The following MAGI2 variants were observed in gnomAD, a reference collection of about 807,000 sequenced individuals.
MAGI2 encodes membrane associated guanylate kinase, WW and PDZ domain containing 2, also known as membrane-associated guanylate kinase, WW and PDZ domain-containing protein 2.
Under a neutral mutation model 133.3 loss-of-function variants are expected in MAGI2, and 35 were observed. The observed-to-expected ratio is 0.26, with a 90% CI of 0.20 to 0.35. The LOEUF (loss-of-function observed/expected upper bound fraction) is 0.35, where lower values mean the gene tolerates loss of function less well. MAGI2 is among the 10% of genes least tolerant of loss of function. MAGI2 has a pLI of 1.00. For synonymous variants in MAGI2, 729 were observed against 710.6 expected (o/e 1.03, Z -0.41); for missense variants, 1,636 against 1,863.4 (o/e 0.88, Z 2.25).
chr7:78,853,957 TTCTCTC>T (rs10666435), intron 2 of MAGI2, among the ~76,000 whole-genome samples: 91 of 148,592 alleles, frequency 6.1e-4, no homozygotes, highest in African/African-American at 2.0e-3. Context: ...GTTGATATGT[TTCTCTC>T]TCTCTCTCTC....
At chr7:78,238,361 C>A (rs1211039794) in intron 10 of MAGI2, among the ~76,000 whole-genome samples, 1 of 152,034 alleles carries the variant, frequency 6.6e-6, no homozygotes, top group African/African-American at 2.4e-5. Flanking sequence ...CTATCATAGT[C>A]ATTATATAAA....
At chr7:78,317,298 GTAT>G (rs1216237094) in intron 9 of MAGI2, among the ~76,000 whole-genome samples, 3 of 152,156 alleles carry the variant, frequency 2.0e-5, no homozygotes, top group Non-Finnish European at 2.9e-5. Flanking sequence ...TTCAGAAGAT[GTAT>G]TATTATATCC....
chr7:78,868,006 T>C (rs1039653174), intron 2 of MAGI2, among the ~76,000 whole-genome samples: 5 of 151,878 alleles, frequency 3.3e-5, no homozygotes, highest in Admixed American at 3.3e-4. Context: ...AAAAAAAGAA[T>C]GTGTTGATAC....
chr7:78,684,534 C>G (rs934793285), intron 2 of MAGI2, among the ~76,000 whole-genome samples: 2 of 151,996 alleles, frequency 1.3e-5, no homozygotes, highest in Non-Finnish European at 2.9e-5. Flanking sequence ...CTTTAATTGT[C>G]TAGGTCTATA....
chr7:78,846,901 G>T (rs1792665684), intron 2 of MAGI2, among the ~76,000 whole-genome samples: 1 of 151,848 alleles, frequency 6.6e-6, no homozygotes. Flanking sequence ...TAGGGGAAGG[G>T]TTTACAGAGA....
At chr7:78,966,656 G>C (rs1428926166) in intron 2 of MAGI2, among the ~76,000 whole-genome samples, 1 of 151,990 alleles carries the variant, frequency 6.6e-6, no homozygotes, top group Non-Finnish European at 1.5e-5. Context: ...ATATCTCTTT[G>C]AGATTTTGAT....
intron 1 of MAGI2, among the ~76,000 whole-genome samples, chr7:79,430,113 A>G (rs1847674657): frequency 6.6e-6 from 1 of 152,166 alleles, no homozygotes; most frequent in Non-Finnish European, 1.5e-5. Flanking sequence ...ATACATATGC[A>G]ATTGACATAA....
chr7:78,798,296 GC>G (rs1380540530), intron 2 of MAGI2, among the ~76,000 whole-genome samples: 1 of 152,094 alleles, frequency 6.6e-6, no homozygotes, highest in Non-Finnish European at 1.5e-5. Context: ...TATCAAGCCT[GC>G]ATTACAAATG....
chr7:78,913,901 T>C (rs1440682793), intron 2 of MAGI2, among the ~76,000 whole-genome samples: 1 of 152,200 alleles, frequency 6.6e-6, no homozygotes, highest in African/African-American at 2.4e-5. Context: ...CCTGGAACAC[T>C]GATAAAGATT....
At position 79,012,820 on chromosome 7, in the gene MAGI2, A is replaced by G. The variant is rs568144790; in HGVS notation, c.302-5614T>C. 6.7e-5 allele frequency among the ~76,000 whole-genome samples: 9 copies of G among 135,314 alleles called. No homozygotes were observed. The East Asian group carries it at 1.1e-3, about 17-fold the overall frequency. The allele number at this position is 135,314 out of a possible 152,430, so 88.8% of individuals were successfully genotyped here. On this transcript the variant is annotated intron_variant, in intron 1 of 21. Transcript: ENST00000354212. ...GTATTTCTCACATTTTTGGAGTCAG[A>G]AAGTCCAAGATTAAACCAACAGATC...
At chr7:78,315,309 A>G (rs184609255) in intron 9 of MAGI2, among the ~76,000 whole-genome samples, 16 of 152,320 alleles carry the variant, frequency 1.1e-4, no homozygotes, top group African/African-American at 3.6e-4. Context: ...CTCATGTTCA[A>G]AATGAATCAC....
At chr7:78,161,731 A>T (rs907271776) in intron 15 of MAGI2, among the ~76,000 whole-genome samples, 30 of 150,748 alleles carry the variant, frequency 2.0e-4, no homozygotes, top group Non-Finnish European at 3.7e-4. Context: ...AGATTTTAAA[A>T]AATGGCCTAA....
At chr7:78,614,629 G>T (rs1806870195) in intron 3 of MAGI2, 4 of 152,074 alleles carry the variant, frequency 2.6e-5, no homozygotes, top group Admixed American at 2.6e-4. Context: ...AACATTGTCA[G>T]GTTTGTTTGC....
rs115148603 is a variant in MAGI2, at chr7:78,416,101, C to G, written c.1046-46888G>C. Among the ~76,000 whole-genome samples, 870 of 152,106 alleles carry G rather than the reference C, an allele frequency of 5.7e-3. 7 individuals carry two copies. The highest frequency in any genetic ancestry group is 0.019 in the African/African-American group (801 of 41,484). On this transcript the variant is annotated intron_variant, in intron 6 of 21. Transcript: ENST00000354212. ...TGAACTGGCCAATGTGTGGTGACAG[C>G]GAAGGTCTGAAGCAACAACATCAAG...
At chr7:78,459,205 G>A (rs1789692177) in intron 6 of MAGI2, among the ~76,000 whole-genome samples, 1 of 152,138 alleles carries the variant, frequency 6.6e-6, no homozygotes, top group Non-Finnish European at 1.5e-5. Flanking sequence ...ATATGGCAAG[G>A]CAACTTTTGA....
intron 21 of MAGI2, among the ~76,000 whole-genome samples, chr7:78,064,328 T>TTGTG (rs3840609): frequency 0.013 from 1,980 of 148,526 alleles, 38 homozygotes; most frequent in African/African-American, 0.041. Flanking sequence ...TGTGATGGTT[T>TTGTG]TGTGTGTGTG....
chr7:78,327,579 T>C (rs2151139925), intron 9 of MAGI2, among the ~76,000 whole-genome samples: 1 of 152,270 alleles, frequency 6.6e-6, no homozygotes, highest in East Asian at 1.9e-4. Context: ...TTATGGAGGC[T>C]AGGGTGAGAG....
chr7:79,010,742 T>A (rs1807997627), intron 1 of MAGI2, among the ~76,000 whole-genome samples: 2 of 152,100 alleles, frequency 1.3e-5, no homozygotes, highest in Non-Finnish European at 2.9e-5. Flanking sequence ...CTTGCCATTA[T>A]ATTTGAATAA....
chr7:78,478,305 G>C (rs1476224127), intron 6 of MAGI2, among the ~76,000 whole-genome samples: 1 of 151,958 alleles, frequency 6.6e-6, no homozygotes, highest in East Asian at 1.9e-4. Context: ...ATTTAATCTA[G>C]TTTCCCTTAA....
Sources: gnomAD v4.1 joint callset for allele counts (sites outside exome capture counted in the v4.1 genomes callset) on GRCh38, gnomAD v4.1.1 for gene constraint, MANE v1.5 for transcripts, NCBI Gene and HGNC (gene_info 2026-07-23, HGNC 2026-07-21) for gene names.